CPQ: variants seen among roughly 807,000 people sequenced by gnomAD.
CPQ encodes the protein carboxypeptidase Q, also known as Ser-Met dipeptidase.
A neutral mutation model predicts 45.7 loss-of-function variants in CPQ; 37 were observed. The observed-to-expected ratio is 0.81, with a 90% CI of 0.62 to 1.07. CPQ has a LOEUF of 1.07. Ranked by LOEUF, CPQ falls within the 50% of genes least tolerant of loss-of-function variation. The pLI is 0.00. For missense variants in CPQ, 537 were observed against 572.9 expected, an observed-to-expected ratio of 0.94 and a Z score of 0.64; for synonymous variants, 186 against 205.8, an observed-to-expected ratio of 0.90 and a Z score of 0.82.
intron 1 of CPQ, among the ~76,000 whole-genome samples, chr8:96,722,840 C>T (rs534216341): frequency 6.6e-6 from 1 of 152,106 alleles, no homozygotes; most frequent in South Asian, 2.1e-4. Flanking sequence ...TTCCCTGGCG[C>T]AGGAAGAGGA....
intron 2 of CPQ, among the ~76,000 whole-genome samples, chr8:96,832,905 C>T (rs182914695): frequency 7.2e-5 from 11 of 152,182 alleles, no homozygotes; most frequent in African/African-American, 2.4e-4. Context: ...ACTCTGGCAG[C>T]TCTGTGAAGG....
chr8:96,855,803 G>T (rs951582103), intron 3 of CPQ, among the ~76,000 whole-genome samples: 7 of 152,194 alleles, frequency 4.6e-5, no homozygotes, highest in African/African-American at 1.7e-4. Context: ...TAATGCATTA[G>T]AGTGTTGATT....
intron 6 of CPQ, among the ~76,000 whole-genome samples, chr8:97,041,385 C>A (rs1202806920): frequency 1.3e-5 from 2 of 152,124 alleles, no homozygotes; most frequent in Non-Finnish European, 2.9e-5. Flanking sequence ...AGATTTTGGG[C>A]TGAGACAATG....
Position 96,834,494 on chromosome 8 carries a change from G to A in CPQ, c.434-479G>A, listed in dbSNP as rs142235580. 1.2e-3 allele frequency among the ~76,000 whole-genome samples: 179 copies of A among 152,308 alleles called. 1 individual carries two copies. The highest frequency in any genetic ancestry group is 3.4e-3 in the African/African-American group (143 of 41,562). ...TTATGAACAACATTGGCTTCTAAGA[G>A]TATTCTTCACACACTGGCATCCTTT... On this transcript the variant is annotated intron_variant, in intron 2 of 7. Transcript: ENST00000220763.
chr8:97,117,844 C>T (rs189763585), intron 7 of CPQ, among the ~76,000 whole-genome samples: 1 of 152,110 alleles, frequency 6.6e-6, no homozygotes, highest in Non-Finnish European at 1.5e-5. Flanking sequence ...ATTACAGGCA[C>T]GAGCCACAGT....
chr8:96,866,516 A>G (rs1156576258), intron 3 of CPQ, among the ~76,000 whole-genome samples: 1 of 152,074 alleles, frequency 6.6e-6, no homozygotes, highest in Non-Finnish European at 1.5e-5. Context: ...AATTGATTAA[A>G]TATTTGATAG....
At chr8:97,037,877 C>A (rs188887610) in intron 6 of CPQ, among the ~76,000 whole-genome samples, 1 of 152,106 alleles carries the variant, frequency 6.6e-6, no homozygotes, top group African/African-American at 2.4e-5. Context: ...TACCACCTTG[C>A]GAATAAACAT....
intron 7 of CPQ, among the ~76,000 whole-genome samples, chr8:97,136,417 TAAAG>T (rs1200009641): frequency 6.6e-6 from 1 of 152,226 alleles, no homozygotes; most frequent in African/African-American, 2.4e-5. Flanking sequence ...ACAACTATAA[TAAAG>T]AATTAATTGA....
chr8:97,066,323 C>G, intron 7 of CPQ, 113 bp downstream of exon 7: 2 of 937,812 alleles, frequency 2.1e-6, no homozygotes, highest in South Asian at 1.6e-5. Context: ...CCACGGAAAC[C>G]TTAAGCTTTT....
chr8:96,747,455 A>G (rs1810202875), intron 1 of CPQ, among the ~76,000 whole-genome samples: 1 of 152,160 alleles, frequency 6.6e-6, no homozygotes, highest in Non-Finnish European at 1.5e-5. Flanking sequence ...TGAGCACGTG[A>G]GACCAAAAAA....
At chr8:97,052,751 A>C (rs567718548) in intron 6 of CPQ, among the ~76,000 whole-genome samples, 1 of 152,308 alleles carries the variant, frequency 6.6e-6, no homozygotes, top group Non-Finnish European at 1.5e-5. Flanking sequence ...AAATAAGAGC[A>C]TCTTATTCCA....
At position 96,879,896 on chromosome 8, in the gene CPQ, C is replaced by G. The variant is rs560500593; in HGVS notation, c.740C>G (p.Ser247Cys). The change falls in exon 4 of 8, where the codon TCT becomes TGT. Residue 247 changes from serine (S) to cysteine (C), a missense_variant. By Grantham distance (112) the Ser-to-Cys change is moderately radical. Transcript: ENST00000220763. ...EDAEMMSRMA[S>C]HGIKIVIQLK... ...GCAGAAATGATGTCAAGAATGGCTT[C>G]TCATGGGATCAAAATTGTCATTCAG... is the stretch of plus-strand genomic sequence containing the variant. The G allele has an allele frequency of 1.4e-5, 23 of 1,614,044 alleles. No homozygotes were observed. The East Asian group carries it at 4.9e-4, about 34-fold the overall frequency.
chr8:96,743,461 C>T (rs1810125763), intron 1 of CPQ, among the ~76,000 whole-genome samples: 1 of 152,054 alleles, frequency 6.6e-6, no homozygotes, highest in African/African-American at 2.4e-5. Flanking sequence ...CATCTGAAGC[C>T]TTCTTCTCTC....
chr8:96,714,812 C>CT (rs1226599605), intron 1 of CPQ, among the ~76,000 whole-genome samples: 1 of 151,718 alleles, frequency 6.6e-6, no homozygotes, highest in Admixed American at 6.6e-5. Flanking sequence ...ACTGTGTTTT[C>CT]TTTTTTTTCC....
chr8:97,035,246 A>G (rs74677571), intron 6 of CPQ, among the ~76,000 whole-genome samples: 3,147 of 152,254 alleles, frequency 0.021, 101 homozygotes, highest in African/African-American at 0.067. Context: ...CAGTCTCTTT[A>G]TTCTCCAGAA....
intron 1 of CPQ, among the ~76,000 whole-genome samples, chr8:96,688,736 C>T (rs894077948): frequency 2.6e-5 from 4 of 152,054 alleles, no homozygotes; most frequent in African/African-American, 9.7e-5. Context: ...GCTTGACTTA[C>T]CAGTTTTAAA....
rs575169125 is a variant in CPQ, at chr8:96,992,503, T to C, written c.961+26457T>C. Among the ~76,000 whole-genome samples, 532 of 152,244 alleles carry C rather than the reference T, an allele frequency of 3.5e-3. 5 individuals are homozygous for C. The highest frequency in any genetic ancestry group is 0.012 in the African/African-American group (494 of 41,566). On this transcript the variant is annotated intron_variant, in intron 5 of 7. Coordinates refer to ENST00000220763, the MANE Select transcript of CPQ (RefSeq NM_016134.4). ...CAGATATTATTATTATCATTTAACA[T>C]GAGGAAAACTTAGTCTGAGAGAAGC...
chr8:96,970,033 C>T (rs927310787), intron 5 of CPQ, among the ~76,000 whole-genome samples: 5 of 152,176 alleles, frequency 3.3e-5, no homozygotes, highest in Non-Finnish European at 5.9e-5. Context: ...TAGCTAGAGC[C>T]TTATGCAGCC....
chr8:96,854,172 T>C (rs1001031624), intron 3 of CPQ, among the ~76,000 whole-genome samples: 4 of 152,118 alleles, frequency 2.6e-5, no homozygotes, highest in South Asian at 2.1e-4. Context: ...CCACATCCTA[T>C]GGAGGTGTAA....
Sources: allele counts gnomAD v4.1 joint callset (sites outside exome capture counted in the v4.1 genomes callset), GRCh38; gene constraint gnomAD v4.1.1; transcripts MANE v1.5; gene names NCBI Gene and HGNC (gene_info 2026-07-23, HGNC 2026-07-21).